The following TIAM1 variants were observed in gnomAD, a reference collection of about 807,000 sequenced individuals.
The protein encoded by TIAM1 is TIAM Rac1 associated GEF 1, also known as rho guanine nucleotide exchange factor TIAM1.
Under a neutral mutation model 163.5 loss-of-function variants are expected in TIAM1, and 65 were observed. The ratio of observed to expected loss-of-function variants is 0.40; its 90% CI spans 0.33 to 0.49. TIAM1 has a LOEUF of 0.49. TIAM1 is among the 20% of genes least tolerant of loss of function. The pLI is 0.77. For missense variants in TIAM1, 1,789 were observed against 2,044.7 expected (o/e 0.87, Z 2.41); for synonymous variants, 833 against 810.1 (o/e 1.03, Z -0.48).
At chr21:31,248,329 T>C (rs1438208059) in intron 5 of TIAM1, among the ~76,000 whole-genome samples, 1 of 152,220 alleles carries the variant, frequency 6.6e-6, no homozygotes, top group Non-Finnish European at 1.5e-5. Flanking sequence ...TGTATAATTT[T>C]TCAACTTTGA....
At chr21:31,429,724 G>A (rs944098636) in intron 2 of TIAM1, among the ~76,000 whole-genome samples, 2 of 152,176 alleles carry the variant, frequency 1.3e-5, no homozygotes, top group African/African-American at 4.8e-5. Context: ...CAGGCACTGT[G>A]CAGTCCAACA....
intron 13 of TIAM1, among the ~76,000 whole-genome samples, chr21:31,194,047 A>G (rs752286326): frequency 2.6e-5 from 4 of 152,116 alleles, no homozygotes; most frequent in African/African-American, 9.7e-5. Context: ...GCCTGGCTAT[A>G]CAAATCCAGT....
At chr21:31,467,456 T>C (rs1397998379) in intron 1 of TIAM1, among the ~76,000 whole-genome samples, 1 of 151,896 alleles carries the variant, frequency 6.6e-6, no homozygotes, top group Non-Finnish European at 1.5e-5. Context: ...TGAAACCCCG[T>C]GTCTACTAAA....
intron 2 of TIAM1, among the ~76,000 whole-genome samples, chr21:31,292,694 G>A (rs1359348726): frequency 7.8e-5 from 11 of 141,240 alleles, no homozygotes; most frequent in African/African-American, 2.7e-4. Flanking sequence ...TTTAAGACAA[G>A]GTCTCACTTT....
intron 5 of TIAM1, among the ~76,000 whole-genome samples, chr21:31,251,210 A>C (rs1244705987): frequency 6.6e-6 from 1 of 152,236 alleles, no homozygotes; most frequent in African/African-American, 2.4e-5. Flanking sequence ...AGTTGCATAC[A>C]TGCCAAAACT....
At chr21:31,160,822 T>C (rs1387937497) in intron 16 of TIAM1, 2 of 269,532 alleles carry the variant, frequency 7.4e-6, no homozygotes, top group Admixed American at 5.4e-5. Flanking sequence ...TGATTTCACC[T>C]GGCTAAACAA....
chr21:31,461,296 C>G (rs2045316443), intron 2 of TIAM1, among the ~76,000 whole-genome samples: 1 of 152,022 alleles, frequency 6.6e-6, no homozygotes, highest in Non-Finnish European at 1.5e-5. Context: ...TCAGCCTGGT[C>G]AACATGGTGT....
intron 2 of TIAM1, among the ~76,000 whole-genome samples, chr21:31,390,063 A>C (rs1326353663): frequency 6.6e-6 from 1 of 152,238 alleles, no homozygotes; most frequent in East Asian, 1.9e-4. Flanking sequence ...TTTTTTAGAA[A>C]GCACAAAGAC....
At chr21:31,179,500 A>G (rs2084915958) in intron 15 of TIAM1, among the ~76,000 whole-genome samples, 2 of 152,026 alleles carry the variant, frequency 1.3e-5, no homozygotes, top group South Asian at 4.1e-4. Flanking sequence ...CCTGGCACAT[A>G]GTAAATACTT....
At chr21:31,164,752 C>T (rs1465899053) in intron 16 of TIAM1, among the ~76,000 whole-genome samples, 2 of 152,204 alleles carry the variant, frequency 1.3e-5, no homozygotes, top group South Asian at 2.1e-4. Context: ...TATTTCATTA[C>T]GAGTGATTTC....
At chr21:31,188,248 C>A (rs1405662238) in intron 13 of TIAM1, among the ~76,000 whole-genome samples, 1 of 152,162 alleles carries the variant, frequency 6.6e-6, no homozygotes, top group African/African-American at 2.4e-5. Context: ...AGATAGGGAA[C>A]AGCAGAGGGC....
intron 6 of TIAM1, among the ~76,000 whole-genome samples, chr21:31,232,692 C>T (rs965550589): frequency 1.3e-5 from 2 of 152,124 alleles, no homozygotes; most frequent in African/African-American, 4.8e-5. Context: ...CCTTGCCTCC[C>T]CTTCTTGAAC....
At chr21:31,365,807 A>G (rs2076495134) in intron 2 of TIAM1, among the ~76,000 whole-genome samples, 1 of 152,016 alleles carries the variant, frequency 6.6e-6, no homozygotes, top group Non-Finnish European at 1.5e-5. Context: ...TTTCACTGTC[A>G]AAGTATGACA....
chr21:31,423,873 G>GA lies in TIAM1; in HGVS notation c.-369+40109_-369+40110insT, dbSNP rs1476434776. ...GATTATCGGGGGGGGCGGGGGGGGG[G>GA]TCAAGGGAGTTGGGGAGAAATAGGG... is the stretch of plus-strand genomic sequence containing the variant. On this transcript the variant is annotated intron_variant, in intron 2 of 28. Coordinates refer to the TIAM1 transcript ENST00000286827. 2.8e-5 allele frequency among the ~76,000 whole-genome samples: 3 copies of GA among 106,226 alleles called. No individual in the cohort carries two copies. The Admixed American group carries it at 3.4e-4, about 12-fold the overall frequency. The allele number at this position is 106,226 out of a possible 152,430, so 69.7% of individuals were successfully genotyped here. A position where few individuals can be genotyped will look rare whatever the true frequency, so the allele number is the denominator to read the frequency against.
chr21:31,328,527 C>A (rs762337339), intron 2 of TIAM1, among the ~76,000 whole-genome samples: 1 of 151,838 alleles, frequency 6.6e-6, no homozygotes, highest in Non-Finnish European at 1.5e-5. Context: ...CACGGCACCA[C>A]GACTGGCTTA....
intron 2 of TIAM1, among the ~76,000 whole-genome samples, chr21:31,461,456 C>T (rs570946502): frequency 6.6e-5 from 10 of 151,974 alleles, no homozygotes; most frequent in Non-Finnish European, 1.3e-4. Flanking sequence ...TGTACTGCAG[C>T]CTGGGCAACA....
chr21:31,462,029 C>A (rs1009306134), intron 2 of TIAM1, among the ~76,000 whole-genome samples: 15 of 152,220 alleles, frequency 9.9e-5, no homozygotes, highest in African/African-American at 2.7e-4. Context: ...TGTACTAAGA[C>A]TGAACAATGT....
intron 2 of TIAM1, among the ~76,000 whole-genome samples, chr21:31,423,058 G>C (rs2043635299): frequency 6.6e-6 from 1 of 150,458 alleles, no homozygotes; most frequent in Non-Finnish European, 1.5e-5. Flanking sequence ...GATTGAGGGG[G>C]TTCCTGATAA....
At chr21:31,306,732 CGTT>C in intron 2 of TIAM1, among the ~76,000 whole-genome samples, 1 of 152,286 alleles carries the variant, frequency 6.6e-6, no homozygotes. Flanking sequence ...AAAGTATCAA[CGTT>C]GTAAGTCCAG....
Sources: gnomAD v4.1 joint callset for allele counts (sites outside exome capture counted in the v4.1 genomes callset) on GRCh38, gnomAD v4.1.1 for gene constraint, MANE v1.5 for transcripts, NCBI Gene and HGNC (gene_info 2026-07-23, HGNC 2026-07-21) for gene names.